FAM83D: variants seen among roughly 807,000 people sequenced by gnomAD.
FAM83D encodes protein FAM83D.
In FAM83D, 26 loss-of-function variants were observed where a neutral mutation model predicts 25.4. That is an observed-to-expected ratio of 1.02 (90% CI 0.75 to 1.42). The LOEUF is 1.42. Ranked by LOEUF, FAM83D falls within the 40% of genes most tolerant of loss-of-function variation. The pLI, the probability that FAM83D is intolerant of heterozygous loss-of-function variation, is 0.00. For missense variants in FAM83D, 740 were observed against 758.1 expected (o/e 0.98, Z 0.28); for synonymous variants, 310 against 318.5 (o/e 0.97, Z 0.28).
At chr20:38,950,886 C>G (rs774067612) in intron 3 of FAM83D, among the ~76,000 whole-genome samples, 1 of 152,050 alleles carries the variant, frequency 6.6e-6, no homozygotes, top group African/African-American at 2.4e-5. Flanking sequence ...GTGGTGTGAC[C>G]TCAGCTTACC....
At chr20:38,941,827 GA>G in intron 1 of FAM83D, 131 bp from the exon 2 acceptor site, 1 of 874,752 alleles carries the variant, frequency 1.1e-6, no homozygotes. Flanking sequence ...CAACACTGCA[GA>G]AGGGGGAGGG....
Position 38,926,462 on chromosome 20 carries a change from G to T in FAM83D, c.20G>T (p.Gly7Val), listed in dbSNP as rs1255924956. 1 of 1,598,254 alleles carries T rather than the reference G, an allele frequency of 6.3e-7. No individual in the cohort carries two copies. Residue 7 changes from glycine (G) to valine (V), a missense_variant, in exon 1 of 4, where the codon GGC becomes GTC. Around this residue, in one of 3 missense-constraint regions of FAM83D, gnomAD observed 333 missense variants for 298.6 expected, o/e 1.12. Transcript: ENST00000619850. Reference protein sequence around the residue: MALLSEGLDEVPAACLS... With the variant: MALLSEVLDEVPAACLS... ...GCCGCCATGGCTCTGCTGTCCGAGGGCCTGGACGAGGTGCCCGCCGCCTGC... is the reference window on the plus strand; with the variant it reads ...GCCGCCATGGCTCTGCTGTCCGAGGTCCTGGACGAGGTGCCCGCCGCCTGC...
rs371208396 is a variant in FAM83D at position 38,951,880 on chromosome 20, A to G, written c.1118A>G (p.Tyr373Cys). The G allele has an allele frequency of 4.3e-6, 7 of 1,614,026 alleles. No individual in the cohort carries two copies. The African/African-American group carries it at 6.7e-5, about 15-fold the overall frequency. Residue 373 changes from tyrosine to cysteine, a missense_variant, in exon 4 of 4, where the codon TAC (tyrosine) becomes TGC (cysteine). Physicochemically the swap from Tyr to Cys is radical, Grantham distance 194. Transcript: ENST00000619850. Reference protein sequence around the residue: ...CESSTVSEEDYFSSHRDELQS... With the variant: ...CESSTVSEEDCFSSHRDELQS... The stretch of plus-strand genomic sequence containing the variant: ...TCCTCTACTGTTAGTGAGGAAGACT[A>G]CTTCAGCAGCCACAGGGACGAGCTC...
chr20:38,946,287 TAAG>T (rs1461891170), intron 2 of FAM83D, among the ~76,000 whole-genome samples: 2 of 151,960 alleles, frequency 1.3e-5, no homozygotes, highest in African/African-American at 2.4e-5. Flanking sequence ...ACGCATTTGG[TAAG>T]AAGACCACAG....
intron 2 of FAM83D, among the ~76,000 whole-genome samples, chr20:38,943,567 T>G (rs1463753152): frequency 1.3e-5 from 2 of 152,254 alleles, no homozygotes; most frequent in Non-Finnish European, 2.9e-5. Flanking sequence ...TTATGTCTAT[T>G]TCTCTGATTC....
chr20:38,952,367 C>G lies in FAM83D; in HGVS notation c.1605C>G (p.Phe535Leu). 1.2e-6 allele frequency: 2 copies of G among 1,614,176 alleles called. No homozygotes were observed. The highest frequency in any genetic ancestry group is 1.7e-6 in the Non-Finnish European group (2 of 1,180,034). ...TGAACAAAGAGCGGCAATTCCACTT[C>G]GCTGGTATCAGGTCCCGGCTCAACC... ...RNLNKERQFH[F>L]AGIRSRLNHM... Residue 535 changes from phenylalanine to leucine, a missense_variant, in exon 4 of 4, where the codon TTC (phenylalanine) becomes TTG (leucine). Around this residue, in one of 3 missense-constraint regions of FAM83D, gnomAD observed 375 missense variants for 403.2 expected, o/e 0.93. Coordinates refer to ENST00000619850, the MANE Select transcript of FAM83D (RefSeq NM_030919.3).
In FAM83D at chr20:38,942,072, C is replaced by G. The variant is rs1568698039; in HGVS notation, c.597C>G (p.Leu199=). 1 of 1,614,208 alleles carries G rather than the reference C, an allele frequency of 6.2e-7. No homozygotes were observed. Among genetic ancestry groups the G allele is most frequent in the Non-Finnish European group, 8.5e-7 (1 of 1,180,032 alleles). Residue 199 remains leucine, a synonymous_variant, in exon 2 of 4, where the codon CTC becomes CTG. Coordinates refer to ENST00000619850, the MANE Select transcript of FAM83D (RefSeq NM_030919.3). ...ATATCCTTCTGGACCAGGCTCTCCTCTCTCAATTTCTGGATATGTGCATGG... is the reference window on the plus strand; with the variant it reads ...ATATCCTTCTGGACCAGGCTCTCCTGTCTCAATTTCTGGATATGTGCATGG... ...AVYILLDQAL[L]SQFLDMCMDL...
intron 2 of FAM83D, among the ~76,000 whole-genome samples, chr20:38,943,588 C>T (rs6129132): frequency 6.6e-6 from 1 of 152,154 alleles, no homozygotes; most frequent in Non-Finnish European, 1.5e-5. Flanking sequence ...TGAAAATGAC[C>T]TAAGTGTTTC....
rs866609670 is a variant in FAM83D at position 38,952,456 on chromosome 20, G to C, written c.1694G>C (p.Gly565Ala). Reference sequence around the variant, plus strand: ...GAAAACCACCTTGGCCTTCATTCTGGCAATTTCAGCAGAGTTAATTTGCTT... The same window carrying C: ...GAAAACCACCTTGGCCTTCATTCTGCCAATTTCAGCAGAGTTAATTTGCTT... Reference protein sequence around the residue: ...FTENHLGLHSGNFSRVNLLAV... With the variant: ...FTENHLGLHSANFSRVNLLAV... Residue 565 changes from glycine to alanine, a missense_variant, in exon 4 of 4, where the codon GGC (glycine) becomes GCC (alanine). By Grantham distance (60) the Gly-to-Ala change is moderately conservative (BLOSUM62 0). Coordinates refer to ENST00000619850, the MANE Select transcript of FAM83D (RefSeq NM_030919.3). The C allele has an allele frequency of 6.2e-7, 1 of 1,614,144 alleles. No homozygotes were observed. The highest frequency in any genetic ancestry group is 8.5e-7 in the Non-Finnish European group (1 of 1,180,046).
rs375799756 is a variant in FAM83D at position 38,952,474 on chromosome 20, A to C, written c.1712A>C (p.Asn571Thr). ...GLHSGNFSRV[N>T]LLAVRDVALY... is the part of the protein sequence containing the mutation. ...CATTCTGGCAATTTCAGCAGAGTTA[A>C]TTTGCTTGCTGTTAGAGATGTAGCA... Residue 571 changes from asparagine to threonine, a missense_variant, in exon 4 of 4, where the codon AAT (asparagine) becomes ACT (threonine). Coordinates refer to ENST00000619850, the MANE Select transcript of FAM83D (RefSeq NM_030919.3). 2 of 1,614,014 alleles carry C rather than the reference A, an allele frequency of 1.2e-6. No homozygotes were observed. The highest frequency in any genetic ancestry group is 2.7e-5 in the African/African-American group (2 of 74,942).
chr20:38,937,428 A>G (rs753167876), intron 1 of FAM83D, among the ~76,000 whole-genome samples: 37 of 152,212 alleles, frequency 2.4e-4, no homozygotes, highest in Admixed American at 5.9e-4. Flanking sequence ...AGAGCACCGG[A>G]TACCTAGGAG....
intron 1 of FAM83D, among the ~76,000 whole-genome samples, chr20:38,932,331 A>G (rs1327514898): frequency 6.6e-6 from 1 of 152,250 alleles, no homozygotes; most frequent in African/African-American, 2.4e-5. Context: ...GGCTGTAGTA[A>G]GCTATGATCA....
intron 1 of FAM83D, among the ~76,000 whole-genome samples, chr20:38,927,456 G>C (rs1430777428): frequency 1.3e-5 from 2 of 151,062 alleles, no homozygotes; most frequent in Admixed American, 6.6e-5. Flanking sequence ...AGATAAACAC[G>C]AGAGTGGCAA....
At position 38,952,566 on chromosome 20, in the gene FAM83D, C is replaced by T. The variant is rs763571491; in HGVS notation, c.*46C>T. On this transcript the variant is annotated 3_prime_UTR_variant, in exon 4 of 4. Transcript: ENST00000619850. ...TGGTTTCTTCCAGGCTTACAGTGGA[C>T]ATCATCAGCTTCCTGCTTTAAAAAA... 1.9e-6 allele frequency: 3 copies of T among 1,555,566 alleles called. No homozygotes were observed. In the Admixed American group the frequency reaches 5.8e-5, roughly 30 times the overall value.
intron 2 of FAM83D, among the ~76,000 whole-genome samples, chr20:38,946,528 G>A (rs2085729375): frequency 6.6e-6 from 1 of 152,144 alleles, no homozygotes; most frequent in African/African-American, 2.4e-5. Context: ...TATCCAGACA[G>A]AAGTTTCCAT....
chr20:38,941,137 G>C (rs910928148), intron 1 of FAM83D, among the ~76,000 whole-genome samples: 5 of 152,180 alleles, frequency 3.3e-5, no homozygotes, highest in East Asian at 1.9e-4. Context: ...AGAATCCTTA[G>C]GAAATATTTC....
rs141326918 is a variant in FAM83D, at chr20:38,933,062, A to G, written c.483+6137A>G. On this transcript the variant is annotated intron_variant, in intron 1 of 3. Coordinates refer to ENST00000619850, the MANE Select transcript of FAM83D (RefSeq NM_030919.3). ...ATTACAGTAGAGCCTGTGTGGTGTG[A>G]TCAGTTTCTGTTCCAAATGCTCATG... Among the ~76,000 whole-genome samples, 67 of 152,248 alleles carry G rather than the reference A, an allele frequency of 4.4e-4. No homozygotes were observed. The East Asian group carries it at 9.1e-3, about 21-fold the overall frequency.
intron 1 of FAM83D, among the ~76,000 whole-genome samples, chr20:38,940,368 T>G (rs1347622818): frequency 6.6e-6 from 1 of 152,200 alleles, no homozygotes; most frequent in East Asian, 1.9e-4. Flanking sequence ...ATTGCCTTTT[T>G]GCCTCTTCAT....
intron 1 of FAM83D, among the ~76,000 whole-genome samples, chr20:38,934,489 G>A (rs1304998400): frequency 1.1e-4 from 13 of 115,094 alleles, no homozygotes; most frequent in Non-Finnish European, 1.7e-4. Flanking sequence ...GTGAAACTCC[G>A]TCTCAAAAAA....
Sources: allele counts gnomAD v4.1 joint callset (sites outside exome capture counted in the v4.1 genomes callset), GRCh38; gene constraint gnomAD v4.1.1; regional missense constraint gnomAD v4.1.1; transcripts MANE v1.5; gene names NCBI Gene and HGNC (gene_info 2026-07-23, HGNC 2026-07-21).